CSMD1: variants seen among roughly 807,000 people sequenced by gnomAD.
The protein encoded by CSMD1 is CUB and Sushi multiple domains 1.
In CSMD1, 213 loss-of-function variants were observed where a neutral mutation model predicts 417.5. That is an observed-to-expected ratio of 0.51 (90% CI 0.46 to 0.57). CSMD1 has a LOEUF of 0.57. Among genes scored for constraint, CSMD1 ranks in the 20% least tolerant of loss-of-function variants. The pLI is 0.00. For missense variants in CSMD1, 6,923 were observed against 4,529.7 expected, an observed-to-expected ratio of 1.53 and a Z score of -15.17; for synonymous variants, 2,862 against 1,736.8, an observed-to-expected ratio of 1.65 and a Z score of -16.11.
chr8:3,616,126 A>G (rs1224493472), intron 8 of CSMD1, among the ~76,000 whole-genome samples: 1 of 152,196 alleles, frequency 6.6e-6, no homozygotes, highest in African/African-American at 2.4e-5. Context: ...AAACATTAAA[A>G]GAATTGGAAT....
chr8:4,808,071 G>A (rs1246764128), intron 1 of CSMD1, among the ~76,000 whole-genome samples: 1 of 152,138 alleles, frequency 6.6e-6, no homozygotes, highest in Non-Finnish European at 1.5e-5. Flanking sequence ...ACTCGTGTGG[G>A]CTCAATGTCC....
At chr8:4,243,405 T>A (rs1357184908) in intron 3 of CSMD1, among the ~76,000 whole-genome samples, 1 of 152,180 alleles carries the variant, frequency 6.6e-6, no homozygotes, top group Non-Finnish European at 1.5e-5. Flanking sequence ...TGACTCATCC[T>A]CTACTGACCA....
chr8:3,341,753 T>C (rs917256136), intron 23 of CSMD1, among the ~76,000 whole-genome samples: 1 of 152,182 alleles, frequency 6.6e-6, no homozygotes, highest in Non-Finnish European at 1.5e-5. Flanking sequence ...TGCATGGAAC[T>C]TCCCCGTAAT....
chr8:4,084,276 G>GA (rs1197623397), intron 3 of CSMD1, among the ~76,000 whole-genome samples: 1 of 149,124 alleles, frequency 6.7e-6, no homozygotes, highest in Non-Finnish European at 1.5e-5. Context: ...ACAAAAATTG[G>GA]AAAAATCTTT....
chr8:3,465,515 G>T (rs1361293119), intron 12 of CSMD1, among the ~76,000 whole-genome samples: 1 of 152,136 alleles, frequency 6.6e-6, no homozygotes, highest in African/African-American at 2.4e-5. Flanking sequence ...GGGGGTAGTG[G>T]GGGTGCCAGG....
At chr8:3,748,913 C>A (rs1031519147) in intron 6 of CSMD1, among the ~76,000 whole-genome samples, 2 of 152,090 alleles carry the variant, frequency 1.3e-5, no homozygotes, top group Non-Finnish European at 2.9e-5. Context: ...GATGAATGTT[C>A]CCTATAAAAA....
intron 2 of CSMD1, among the ~76,000 whole-genome samples, chr8:4,597,296 A>G (rs1207832216): frequency 6.6e-6 from 1 of 152,176 alleles, no homozygotes; most frequent in East Asian, 1.9e-4. Flanking sequence ...TCAATGTATT[A>G]ACTTATAAGA....
chr8:3,946,846 A>T (rs1811263528), intron 5 of CSMD1, among the ~76,000 whole-genome samples: 1 of 152,144 alleles, frequency 6.6e-6, no homozygotes, highest in Non-Finnish European at 1.5e-5. Flanking sequence ...AATTTTAAAA[A>T]TTTTGTTTTG....
chr8:3,010,211 G>C (rs1432231216), intron 52 of CSMD1, among the ~76,000 whole-genome samples: 1 of 152,174 alleles, frequency 6.6e-6, no homozygotes, highest in Non-Finnish European at 1.5e-5. Context: ...TCCTACAATA[G>C]GAGAGCCTAT....
At chr8:4,632,819 T>C (rs1034016491) in intron 2 of CSMD1, among the ~76,000 whole-genome samples, 2 of 152,144 alleles carry the variant, frequency 1.3e-5, no homozygotes, top group Non-Finnish European at 2.9e-5. Context: ...GCACTGCGTT[T>C]TGAAAGACGC....
At chr8:3,676,995 G>C (rs769686213) in intron 7 of CSMD1, among the ~76,000 whole-genome samples, 1 of 152,010 alleles carries the variant, frequency 6.6e-6, no homozygotes, top group South Asian at 2.1e-4. Flanking sequence ...ATGGACCGGG[G>C]CCTGTTGCGG....
intron 1 of CSMD1, among the ~76,000 whole-genome samples, chr8:4,925,929 G>A (rs1806836585): frequency 6.6e-6 from 1 of 152,106 alleles, no homozygotes; most frequent in South Asian, 2.1e-4. Context: ...CTGGTCATTT[G>A]ATGCATTTCC....
At chr8:3,247,444 A>C (rs2117010709) in intron 26 of CSMD1, among the ~76,000 whole-genome samples, 1 of 152,228 alleles carries the variant, frequency 6.6e-6, no homozygotes, top group East Asian at 1.9e-4. Flanking sequence ...TCTCTGACAA[A>C]CCATTTCAGA....
chr8:4,872,712 GAGAC>G (rs1802805774), intron 1 of CSMD1, among the ~76,000 whole-genome samples: 1 of 152,118 alleles, frequency 6.6e-6, no homozygotes, highest in African/African-American at 2.4e-5. Context: ...GAGACAGAAA[GAGAC>G]AGAGAAGAGC....
At chr8:3,492,008 G>T (rs1283376859) in intron 11 of CSMD1, among the ~76,000 whole-genome samples, 1 of 152,164 alleles carries the variant, frequency 6.6e-6, no homozygotes, top group Non-Finnish European at 1.5e-5. Context: ...TGTTCTCAGG[G>T]CAAATGGGAG....
At chr8:4,946,510 C>T (rs947314163) in intron 1 of CSMD1, among the ~76,000 whole-genome samples, 3 of 152,046 alleles carry the variant, frequency 2.0e-5, no homozygotes, top group Admixed American at 2.0e-4. Flanking sequence ...TGACAGCCAT[C>T]CCCCCAGCTG....
At chr8:4,759,342 C>T (rs1353398328) in intron 1 of CSMD1, among the ~76,000 whole-genome samples, 2 of 152,152 alleles carry the variant, frequency 1.3e-5, no homozygotes, top group African/African-American at 4.8e-5. Context: ...GCCAGCAATG[C>T]CAATAAAGGG....
chr8:3,114,209 A>C (rs1197624179), intron 42 of CSMD1, among the ~76,000 whole-genome samples: 3 of 152,152 alleles, frequency 2.0e-5, no homozygotes, highest in Non-Finnish European at 2.9e-5. Flanking sequence ...GCACCACTGC[A>C]CTCCAGCCTG....
intron 1 of CSMD1, among the ~76,000 whole-genome samples, chr8:4,762,416 T>A (rs1339337772): frequency 2.6e-5 from 4 of 152,168 alleles, no homozygotes; most frequent in Non-Finnish European, 5.9e-5. Context: ...TTACATATAT[T>A]TTCATGCTAT....
Sources: gnomAD v4.1 joint callset for allele counts (sites outside exome capture counted in the v4.1 genomes callset) on GRCh38, gnomAD v4.1.1 for gene constraint, MANE v1.5 for transcripts, NCBI Gene and HGNC (gene_info 2026-07-23, HGNC 2026-07-21) for gene names.